The following SCAI variants were observed in gnomAD, a reference collection of about 807,000 sequenced individuals.
SCAI encodes the protein protein SCAI.
Under a neutral mutation model 92.2 loss-of-function variants are expected in SCAI, and 24 were observed. The ratio of observed to expected loss-of-function variants is 0.26; its 90% confidence interval spans 0.19 to 0.37. SCAI has a LOEUF of 0.37. Ranked by LOEUF, SCAI falls within the 10% of genes least tolerant of loss-of-function variation. The pLI is 1.00. For missense variants in SCAI, 450 were observed against 736.2 expected (o/e 0.61, Z 4.50); for synonymous variants, 261 against 258.6 (o/e 1.01, Z -0.09).
chr9:125,050,509 T>G (rs1214646606), intron 3 of SCAI, among the ~76,000 whole-genome samples: 1 of 152,166 alleles, frequency 6.6e-6, no homozygotes, highest in African/African-American at 2.4e-5. Context: ...AAGGAAGGCC[T>G]ACAAAACTGA....
chr9:125,007,518 A>T (rs1049626296), intron 9 of SCAI, among the ~76,000 whole-genome samples: 2 of 152,132 alleles, frequency 1.3e-5, no homozygotes, highest in Non-Finnish European at 2.9e-5. Context: ...GCAACACCCC[A>T]TCTCTATAAA....
intron 2 of SCAI, among the ~76,000 whole-genome samples, chr9:125,065,209 C>T (rs72765262): frequency 0.093 from 13,964 of 150,746 alleles, 857 homozygotes; most frequent in Non-Finnish European, 0.13. Flanking sequence ...GAATGACCCA[C>T]GGGGGAAAAA....
At chr9:125,086,915 T>C (rs967889604) in intron 2 of SCAI, among the ~76,000 whole-genome samples, 4 of 152,198 alleles carry the variant, frequency 2.6e-5, no homozygotes, top group Non-Finnish European at 5.9e-5. Context: ...TGAGAATGTA[T>C]GTAAAGTGTT....
Position 125,019,005 on chromosome 9 carries a change from G to C in SCAI, c.709-54C>G. On this transcript the variant is annotated intron_variant, in intron 8 of 17. Transcript: ENST00000336505. ...GAATGGCCAAGACTAAATATCAATA[G>C]AGTAAGCTATTCCTTCTTCTTGACA... The C allele has an allele frequency of 2.5e-6, 4 of 1,577,440 alleles. No individual in the cohort carries two copies. The South Asian group carries it at 3.4e-5, about 13-fold the overall frequency.
intron 3 of SCAI, among the ~76,000 whole-genome samples, chr9:125,032,170 A>AATATATATATATAT (rs1195663083): frequency 1.7e-5 from 2 of 118,736 alleles, no homozygotes; most frequent in African/African-American, 3.5e-5. Context: ...TAGTAAAATG[A>AATATATATATATAT]ATATATATAT....
At chr9:125,140,473 A>G (rs1436938708) in intron 2 of SCAI, among the ~76,000 whole-genome samples, 2 of 152,064 alleles carry the variant, frequency 1.3e-5, no homozygotes. Flanking sequence ...GATTGCAGTG[A>G]GTCAAGATCA....
rs10680873 is a variant in SCAI at position 125,126,589 on chromosome 9, T to TGTGTGTGA, written c.98+16043_98+16044insTCACACAC. 0.016 allele frequency among the ~76,000 whole-genome samples: 2,277 copies of TGTGTGTGA among 143,150 alleles called. 98 individuals are homozygous for TGTGTGTGA. In the East Asian group the frequency reaches 0.17, roughly 11 times the overall value. The allele number at this position is 143,150 out of a possible 152,430, so 93.9% of individuals were successfully genotyped here. On this transcript the variant is annotated intron_variant, in intron 2 of 17. Transcript: ENST00000336505. ...GTGGGTGTGTGTGTGTGTGTGTGTG[T>TGTGTGTGA]GAGAGAGAGAGAGAGAACACACATG... is the stretch of plus-strand genomic sequence containing the variant.
intron 4 of SCAI, 79 bp downstream of exon 4, chr9:125,029,564 AG>A (rs1564385058): frequency 1.4e-6 from 1 of 694,404 alleles, no homozygotes; most frequent in African/African-American, 1.8e-5. Context: ...CAAGACAAAA[AG>A]CACTGAAGTA....
At chr9:124,967,281 T>C (rs1468885676) in intron 17 of SCAI, among the ~76,000 whole-genome samples, 1 of 152,094 alleles carries the variant, frequency 6.6e-6, no homozygotes, top group Non-Finnish European at 1.5e-5. Context: ...ATCTACCCAA[T>C]GGGAATTAGA....
intron 13 of SCAI, among the ~76,000 whole-genome samples, chr9:124,997,568 G>A (rs998190522): frequency 3.3e-5 from 5 of 152,270 alleles, no homozygotes; most frequent in African/African-American, 1.2e-4. Context: ...AAGCAATGAA[G>A]TTGTTATGCT....
chr9:125,043,379 T>G, intron 3 of SCAI, among the ~76,000 whole-genome samples: 1 of 152,228 alleles, frequency 6.6e-6, no homozygotes, highest in East Asian at 1.9e-4. Context: ...AAACTGCATT[T>G]GAGACTTCAA....
intron 4 of SCAI, among the ~76,000 whole-genome samples, chr9:125,028,789 G>C (rs1833013842): frequency 6.7e-6 from 1 of 149,462 alleles, no homozygotes; most frequent in African/African-American, 2.4e-5. Flanking sequence ...AATCGGACAA[G>C]AACATTACTC....
chr9:124,971,265 T>A (rs1349766290), intron 17 of SCAI, 105 bp downstream of exon 17: 3 of 538,664 alleles, frequency 5.6e-6, no homozygotes, highest in East Asian at 3.2e-5. Flanking sequence ...TTATCCAAAA[T>A]AATATTATTT....
At chr9:124,964,688 G>C (rs1162230671) in intron 17 of SCAI, among the ~76,000 whole-genome samples, 1 of 152,176 alleles carries the variant, frequency 6.6e-6, no homozygotes, top group Non-Finnish European at 1.5e-5. Context: ...TGGGGTTCTG[G>C]ACAGCCACGG....
At chr9:125,027,006 C>G in intron 5 of SCAI, 96 bp from the exon 6 acceptor site, 13 of 471,222 alleles carry the variant, frequency 2.8e-5, no homozygotes, top group East Asian at 3.9e-5. Flanking sequence ...CTCTGTGGCA[C>G]GGGGTGCGGG....
At chr9:125,028,947 A>C (rs1344934948) in intron 4 of SCAI, among the ~76,000 whole-genome samples, 1 of 151,912 alleles carries the variant, frequency 6.6e-6, no homozygotes, top group Non-Finnish European at 1.5e-5. Context: ...ACAGGTGTGC[A>C]CCACCATGCC....
chr9:125,131,847 T>C (rs1355169155), intron 2 of SCAI, among the ~76,000 whole-genome samples: 1 of 151,982 alleles, frequency 6.6e-6, no homozygotes, highest in Non-Finnish European at 1.5e-5. Flanking sequence ...AGAAAAATGT[T>C]CTAGTTTTCC....
chr9:125,117,537 G>C (rs1385862765), intron 2 of SCAI, among the ~76,000 whole-genome samples: 1 of 151,850 alleles, frequency 6.6e-6, no homozygotes, highest in Non-Finnish European at 1.5e-5. Flanking sequence ...ATGATGGTGC[G>C]TGCCTGTAGT....
intron 7 of SCAI, 120 bp downstream of exon 7, chr9:125,020,553 C>T (rs1020125604): frequency 3.7e-6 from 2 of 541,728 alleles, no homozygotes; most frequent in Non-Finnish European, 6.5e-6. Context: ...AGTTACTATA[C>T]TTTGAATATT....
Sources: allele counts gnomAD v4.1 joint callset (sites outside exome capture counted in the v4.1 genomes callset), GRCh38; gene constraint gnomAD v4.1.1; transcripts MANE v1.5; gene names NCBI Gene and HGNC (gene_info 2026-07-23, HGNC 2026-07-21).